PKNOX2: variants seen among roughly 807,000 people sequenced by gnomAD.
PKNOX2 encodes the protein PBX/knotted 1 homeobox 2, also known as homeobox protein PKNOX2.
In PKNOX2, 14 loss-of-function variants were observed where a neutral mutation model predicts 53.1. The ratio of observed to expected loss-of-function variants is 0.26; its 90% CI spans 0.17 to 0.41. The LOEUF is 0.41. Ranked by LOEUF, PKNOX2 falls within the 10% of genes least tolerant of loss-of-function variation. The pLI is 1.00. For missense variants in PKNOX2, 496 were observed against 602.8 expected, an observed-to-expected ratio of 0.82 and a Z score of 1.85; for synonymous variants, 257 against 242.8, an observed-to-expected ratio of 1.06 and a Z score of -0.54.
chr11:125,344,693 T>C (rs1223500410), intron 3 of PKNOX2, among the ~76,000 whole-genome samples: 1 of 152,212 alleles, frequency 6.6e-6, no homozygotes, highest in East Asian at 1.9e-4. Flanking sequence ...AAGCGTCTGC[T>C]TGTCTTGGTT....
At chr11:125,194,521 A>G (rs1375977023) in intron 1 of PKNOX2, among the ~76,000 whole-genome samples, 1 of 151,656 alleles carries the variant, frequency 6.6e-6, no homozygotes, top group African/African-American at 2.4e-5. Flanking sequence ...GGACCCTTAT[A>G]GCTGGGGAAC....
intron 2 of PKNOX2, among the ~76,000 whole-genome samples, chr11:125,244,010 G>A (rs1943371734): frequency 6.6e-6 from 1 of 152,202 alleles, no homozygotes; most frequent in Non-Finnish European, 1.5e-5. Flanking sequence ...GAGCCCCAGA[G>A]CCAAGTGGAT....
At chr11:125,301,240 G>A (rs549784265) in intron 2 of PKNOX2, among the ~76,000 whole-genome samples, 2 of 152,186 alleles carry the variant, frequency 1.3e-5, no homozygotes, top group Non-Finnish European at 2.9e-5. Context: ...GGGACAGAAG[G>A]ACAGACAGAA....
chr11:125,388,777 T>C (rs532695695), intron 6 of PKNOX2, among the ~76,000 whole-genome samples: 31 of 152,162 alleles, frequency 2.0e-4, no homozygotes, highest in East Asian at 9.7e-4. Flanking sequence ...CCAGGGCTGA[T>C]CCGAAGATCA....
intron 2 of PKNOX2, among the ~76,000 whole-genome samples, chr11:125,299,103 C>T (rs1464300019): frequency 2.0e-5 from 3 of 152,134 alleles, no homozygotes; most frequent in Admixed American, 6.5e-5. Flanking sequence ...GGGGAGCAGG[C>T]ATGTCACCTG....
intron 5 of PKNOX2, among the ~76,000 whole-genome samples, chr11:125,376,957 C>T (rs1196306669): frequency 6.6e-6 from 1 of 150,534 alleles, no homozygotes; most frequent in African/African-American, 2.5e-5. Context: ...TTGTAAGATG[C>T]CTCTCCCTCC....
intron 4 of PKNOX2, among the ~76,000 whole-genome samples, chr11:125,367,334 G>T (rs1460925590): frequency 2.0e-5 from 3 of 152,150 alleles, no homozygotes; most frequent in Non-Finnish European, 2.9e-5. Flanking sequence ...GAAGTGGCCA[G>T]GTAAACCAAA....
At chr11:125,254,190 C>A (rs1046557426) in intron 2 of PKNOX2, among the ~76,000 whole-genome samples, 1 of 152,184 alleles carries the variant, frequency 6.6e-6, no homozygotes, top group Non-Finnish European at 1.5e-5. Context: ...ATTTCCGAAC[C>A]GCTTTTTACA....
At chr11:125,298,120 C>A (rs2135942453) in intron 2 of PKNOX2, among the ~76,000 whole-genome samples, 1 of 152,304 alleles carries the variant, frequency 6.6e-6, no homozygotes, top group South Asian at 2.1e-4. Flanking sequence ...GTAGGCCAGG[C>A]TGAATAAGCT....
chr11:125,206,756 G>C (rs941919122), intron 1 of PKNOX2, among the ~76,000 whole-genome samples: 1 of 152,178 alleles, frequency 6.6e-6, no homozygotes, highest in South Asian at 2.1e-4. Context: ...GCTAACAGAC[G>C]TCTTGGAGCA....
chr11:125,366,288 C>T (rs1185893438), intron 4 of PKNOX2, among the ~76,000 whole-genome samples: 2 of 152,192 alleles, frequency 1.3e-5, no homozygotes, highest in African/African-American at 4.8e-5. Context: ...CTCTTACCCA[C>T]TGAGATTGGA....
At chr11:125,219,744 G>T (rs1019927741) in intron 1 of PKNOX2, among the ~76,000 whole-genome samples, 1 of 152,168 alleles carries the variant, frequency 6.6e-6, no homozygotes, top group Non-Finnish European at 1.5e-5. Context: ...TGGGCAAAAA[G>T]CCAAAAAATT....
intron 2 of PKNOX2, among the ~76,000 whole-genome samples, chr11:125,314,153 C>T (rs1373738619): frequency 6.6e-6 from 1 of 152,168 alleles, no homozygotes; most frequent in South Asian, 2.1e-4. Context: ...ACTCTGGGGA[C>T]AGTTGATGAA....
intron 3 of PKNOX2, among the ~76,000 whole-genome samples, chr11:125,344,533 G>A (rs1451165810): frequency 6.6e-6 from 1 of 152,210 alleles, no homozygotes; most frequent in African/African-American, 2.4e-5. Flanking sequence ...GGCAGTCCTA[G>A]CCAAAGCTCA....
At chr11:125,363,045 G>A (rs111706708) in intron 4 of PKNOX2, among the ~76,000 whole-genome samples, 28 of 152,352 alleles carry the variant, frequency 1.8e-4, no homozygotes, top group African/African-American at 5.1e-4. Context: ...TGGCTAGATG[G>A]CAGACAGAAG....
chr11:125,309,126 T>TCTTCCTTCCTTCCTTCCTTCCTTCCTTC (rs1472239897), intron 2 of PKNOX2, among the ~76,000 whole-genome samples: 5 of 147,992 alleles, frequency 3.4e-5, no homozygotes, highest in African/African-American at 1.0e-4. Flanking sequence ...CACAATTACC[T>TCTTCCTTCCTTCCTTCCTTCCTTCCTTC]CTTCCTTTCT....
intron 1 of PKNOX2, among the ~76,000 whole-genome samples, chr11:125,187,483 A>T (rs1184939297): frequency 6.6e-6 from 1 of 152,096 alleles, no homozygotes; most frequent in African/African-American, 2.4e-5. Flanking sequence ...TGTATTTTTA[A>T]TTTTCTCTTC....
chr11:125,331,436 C>A (rs56017289), intron 2 of PKNOX2, among the ~76,000 whole-genome samples: 1 of 152,152 alleles, frequency 6.6e-6, no homozygotes, highest in South Asian at 2.1e-4. Context: ...CACTGTCCCC[C>A]CTTCCTCTGA....
intron 2 of PKNOX2, among the ~76,000 whole-genome samples, chr11:125,324,288 A>G (rs1272669188): frequency 6.6e-6 from 1 of 152,130 alleles, no homozygotes; most frequent in African/African-American, 2.4e-5. Context: ...TAAAAATAGG[A>G]CTAATAATAA....
Sources: allele counts gnomAD v4.1 joint callset (sites outside exome capture counted in the v4.1 genomes callset), GRCh38; gene constraint gnomAD v4.1.1; transcripts MANE v1.5; gene names NCBI Gene and HGNC (gene_info 2026-07-23, HGNC 2026-07-21).